CFAP68: variants seen among roughly 807,000 people sequenced by gnomAD.
CFAP68 encodes cilia- and flagella-associated protein 68.
At chr11:111,882,688 T>C in the CFAP68 span, 1 of 1,203,674 alleles carries the variant, frequency 8.3e-7, no homozygotes, top group South Asian at 1.6e-5. Context: ...ATGTAATAAC[T>C]TCTGGTGCAG....
the CFAP68 span, chr11:111,885,809 G>A: frequency 6.6e-6 from 1 of 151,754 alleles, no homozygotes; most frequent in Non-Finnish European, 1.5e-5. Flanking sequence ...TGTTACTTTA[G>A]TTTCGAGATA....
At chr11:111,881,559 A>T in the CFAP68 span, 1 of 1,536,014 alleles carries the variant, frequency 6.5e-7, no homozygotes, top group Non-Finnish European at 8.7e-7. Context: ...TGACTCTCAT[A>T]AGAAATCTTC....
the CFAP68 span, chr11:111,880,643 A>G: frequency 1.6e-5 from 6 of 378,432 alleles, no homozygotes; most frequent in Non-Finnish European, 3.2e-5. Flanking sequence ...TTTAGTATAT[A>G]ATCAACAACC....
the CFAP68 span, chr11:111,883,173 A>T: frequency 6.3e-7 from 1 of 1,579,536 alleles, no homozygotes; most frequent in African/African-American, 1.3e-5. Flanking sequence ...GATACAAGCT[A>T]CAACAACAAA....
chr11:111,880,710 T>A, the CFAP68 span: 1 of 454,256 alleles, frequency 2.2e-6, no homozygotes, highest in Admixed American at 2.4e-5. Flanking sequence ...GTAGCCATTC[T>A]TTATTCCTTT....
At chr11:111,885,401 A>G in the CFAP68 span, 3 of 152,232 alleles carry the variant, frequency 2.0e-5, no homozygotes, top group Non-Finnish European at 2.9e-5. Context: ...AAAGGTCACT[A>G]AGGAAACCTG....
chr11:111,882,402 A>G, the CFAP68 span: 2 of 1,614,134 alleles, frequency 1.2e-6, no homozygotes, highest in Non-Finnish European at 1.7e-6. Context: ...ACAAACCCAC[A>G]CTGTGGCAGC....
At chr11:111,880,627 C>T in the CFAP68 span, 1 of 331,294 alleles carries the variant, frequency 3.0e-6, no homozygotes, top group African/African-American at 2.2e-5. Context: ...ATTAATCCAC[C>T]CCTTGTTTAG....
At chr11:111,885,331 A>T in the CFAP68 span, 3 of 152,288 alleles carry the variant, frequency 2.0e-5, no homozygotes, top group South Asian at 2.1e-4. Flanking sequence ...AAATTTTTTT[A>T]AAGATTTCAG....
At chr11:111,883,789 A>C in the CFAP68 span, 15 of 1,612,236 alleles carry the variant, frequency 9.3e-6, no homozygotes, top group Non-Finnish European at 1.2e-5. Context: ...CGAGAGCCTC[A>C]CTGGTTCCCA....
chr11:111,879,826 G>T, the CFAP68 span, among the ~76,000 whole-genome samples: 16 of 152,306 alleles, frequency 1.1e-4, no homozygotes, highest in South Asian at 3.3e-3. Flanking sequence ...TACCAAGTTT[G>T]GGGGCGAAGA....
chr11:111,881,201 G>C, the CFAP68 span: 1 of 1,308,222 alleles, frequency 7.6e-7, no homozygotes, highest in Non-Finnish European at 9.7e-7. Flanking sequence ...GGTGATGTCT[G>C]TCATTCCAGC....
the CFAP68 span, chr11:111,883,315 C>T: frequency 4.8e-5 from 44 of 912,372 alleles, no homozygotes; most frequent in Admixed American, 2.1e-4. Context: ...TGAGGCTGGG[C>T]GCAGTGGCTC....
the CFAP68 span, chr11:111,882,329 G>A: frequency 1.3e-6 from 2 of 1,555,612 alleles, no homozygotes; most frequent in Middle Eastern, 1.7e-4. Context: ...CTCTTCTCTG[G>A]TTTATGCAAT....
the CFAP68 span, chr11:111,883,676 C>G: frequency 1.2e-6 from 1 of 830,640 alleles, no homozygotes; most frequent in South Asian, 1.4e-5. Flanking sequence ...GACTTACTGT[C>G]TATTCCCTAG....
At chr11:111,881,565 T>C in the CFAP68 span, 1 of 1,535,906 alleles carries the variant, frequency 6.5e-7, no homozygotes, top group Non-Finnish European at 8.7e-7. Context: ...TCATAAGAAA[T>C]CTTCAAAGAG....
chr11:111,881,541 G>A, the CFAP68 span: 4 of 1,535,876 alleles, frequency 2.6e-6, no homozygotes, highest in South Asian at 1.2e-5. Flanking sequence ...GCCAAGTAAG[G>A]ATTTCTGTGA....
chr11:111,880,884 G>A, the CFAP68 span: 4 of 421,126 alleles, frequency 9.5e-6, no homozygotes, highest in East Asian at 2.9e-4. Flanking sequence ...CTCTGAAAAC[G>A]GTGGAAAGCC....
the CFAP68 span, chr11:111,881,299 T>G: frequency 4.9e-6 from 7 of 1,427,016 alleles, no homozygotes; most frequent in Non-Finnish European, 6.4e-6. Flanking sequence ...TCATGTTGTT[T>G]GGTAACATCA....
Sources: gnomAD v4.1 joint callset for allele counts (sites outside exome capture counted in the v4.1 genomes callset) on GRCh38, gnomAD v4.1.1 for gene constraint, MANE v1.5 for transcripts, NCBI Gene and HGNC (gene_info 2026-07-23, HGNC 2026-07-21) for gene names.